Variants in CABIN1 observed in about 807,000 individuals in gnomAD.
CABIN1 encodes the protein calcineurin-binding protein cabin-1.
CABIN1 carries 133 observed loss-of-function variants against 227.7 expected under a neutral mutation model. The ratio of observed to expected loss-of-function variants is 0.58; its 90% CI spans 0.51 to 0.67. CABIN1 has a LOEUF of 0.67. Ranked by LOEUF, CABIN1 falls within the 30% of genes least tolerant of loss-of-function variation. CABIN1 has a pLI of 0.00. For synonymous variants in CABIN1, 1,086 were observed against 1,155.1 expected, an observed-to-expected ratio of 0.94 and a Z score of 1.21; for missense variants, 2,408 against 2,852.5, an observed-to-expected ratio of 0.84 and a Z score of 3.55.
In CABIN1 at chr22:24,063,164, C is replaced by T. The variant is rs1167125075; in HGVS notation, c.1884+18C>T. 6.2e-7 allele frequency: 1 copy of T among 1,613,438 alleles called. No homozygotes were observed. Among genetic ancestry groups the T allele is most frequent in the East Asian group, 2.2e-5 (1 of 44,854 alleles). On this transcript the variant is annotated intron_variant, in intron 14 of 36. Transcript: ENST00000263119. ...CGCTGCAGGTTAGTTCCATGGTCAG[C>T]TGCTTGGGGAGCATGCCCTGACACC...
chr22:24,117,196 A>ATTG (rs895591457), intron 27 of CABIN1, among the ~76,000 whole-genome samples: 8 of 151,824 alleles, frequency 5.3e-5, no homozygotes, highest in East Asian at 1.9e-4. Context: ...TAGGCAACTG[A>ATTG]TTGTTGTTGT....
At chr22:24,050,075 G>T (rs561828624) in intron 7 of CABIN1, among the ~76,000 whole-genome samples, 2 of 152,094 alleles carry the variant, frequency 1.3e-5, no homozygotes, top group Non-Finnish European at 2.9e-5. Flanking sequence ...AACTCCTTTT[G>T]CCCTCTGGTC....
intron 8 of CABIN1, among the ~76,000 whole-genome samples, 177 bp downstream of exon 8, chr22:24,051,151 G>A (rs2147306603): frequency 6.6e-6 from 1 of 152,306 alleles, no homozygotes; most frequent in South Asian, 2.1e-4. Context: ...TTACTAAGAA[G>A]CAGGTCAGCT....
At chr22:24,169,863 G>A (rs1602481505) in intron 33 of CABIN1, among the ~76,000 whole-genome samples, 1 of 152,264 alleles carries the variant, frequency 6.6e-6, no homozygotes, top group East Asian at 1.9e-4. Context: ...GCAGGAGCCA[G>A]GGCTGGGCCA....
Position 24,056,233 on chromosome 22 carries a change from C to T in CABIN1, c.1135C>T (p.Arg379Trp), listed in dbSNP as rs764035422. 16 of 1,613,742 alleles carry T rather than the reference C, an allele frequency of 9.9e-6. No homozygotes were observed. Among genetic ancestry groups the T allele is most frequent in the East Asian group, 4.5e-5 (2 of 44,892 alleles). Residue 379 changes from arginine (R) to tryptophan (W), a missense_variant, in exon 10 of 37, where the codon CGG becomes TGG. Arg to Trp is a moderately radical substitution (Grantham distance 101, BLOSUM62 -3). Transcript: ENST00000263119. ...AGATAAATCCAAGAAAGGGGTAAAA[C>T]GGAAGAAGATTTCAGAAGAGAGTGG... ...GGDKSKKGVK[R>W]KKISEESGET...
At chr22:24,129,234 C>G (rs926746017) in intron 28 of CABIN1, among the ~76,000 whole-genome samples, 1 of 152,218 alleles carries the variant, frequency 6.6e-6, no homozygotes, top group Non-Finnish European at 1.5e-5. Flanking sequence ...CAAGCCACCT[C>G]ACCCCAAGCT....
intron 10 of CABIN1, among the ~76,000 whole-genome samples, chr22:24,058,776 T>G (rs2038982611): frequency 6.6e-6 from 1 of 152,226 alleles, no homozygotes; most frequent in Admixed American, 6.5e-5. Context: ...CATTATCCCC[T>G]CTCAAAGGCT....
At chr22:24,033,633 T>C (rs1263287665) in intron 1 of CABIN1, among the ~76,000 whole-genome samples, 2 of 152,144 alleles carry the variant, frequency 1.3e-5, no homozygotes, top group African/African-American at 4.8e-5. Context: ...CATATCCCCA[T>C]CCCAGTTCCT....
At chr22:24,149,705 G>A (rs566350814) in intron 29 of CABIN1, among the ~76,000 whole-genome samples, 59 of 152,350 alleles carry the variant, frequency 3.9e-4, no homozygotes, top group Non-Finnish European at 8.1e-4. Flanking sequence ...CATCACTGGA[G>A]AACTATAGAG....
intron 33 of CABIN1, among the ~76,000 whole-genome samples, 162 bp from the exon 34 acceptor site, chr22:24,171,551 T>C (rs188178981): frequency 1.3e-5 from 2 of 152,164 alleles, no homozygotes; most frequent in African/African-American, 4.8e-5. Context: ...TGATGGACCT[T>C]GTTGGCAGCA....
chr22:24,178,142 G>A lies in CABIN1; in HGVS notation c.6609G>A (p.Gln2203=). ...TGGAGGTCCTGGAGACATCCAGCCA[G>A]GAGTCCTCGCTGGAGAGCGAGACAG... ...PALEVLETSS[Q]ESSLESETDE... Residue 2203 remains glutamine, a synonymous_variant, in exon 37 of 37, where the codon CAG becomes CAA. Coordinates refer to ENST00000263119, the MANE Select transcript of CABIN1 (RefSeq NM_012295.4). The A allele has an allele frequency of 6.2e-7, 1 of 1,613,744 alleles. No homozygotes were observed.
At chr22:24,073,189 A>T (rs758622834) in intron 18 of CABIN1, among the ~76,000 whole-genome samples, 8 of 152,188 alleles carry the variant, frequency 5.3e-5, no homozygotes, top group Non-Finnish European at 1.0e-4. Flanking sequence ...AAACGACAGT[A>T]CTGCAGCTAA....
intron 26 of CABIN1, chr22:24,101,580 GAAC>G (rs1041850664): frequency 6.6e-6 from 1 of 152,254 alleles, no homozygotes; most frequent in African/African-American, 2.4e-5. Context: ...GCAAGAGAGA[GAAC>G]AACAGAGAGA....
In CABIN1 at chr22:24,171,742, G is replaced by A. The variant is rs2046824270; in HGVS notation, c.5787G>A (p.Lys1929=). The change falls in exon 34 of 37, where the codon AAG becomes AAA. Residue 1929 remains lysine, a synonymous_variant. Coordinates refer to ENST00000263119, the MANE Select transcript of CABIN1 (RefSeq NM_012295.4). ...CGGGGGACACCCCCACCACTCCAAA[G>A]CACCCCAAAGACAGCCGAGAGAACT... is the stretch of plus-strand genomic sequence containing the variant. ...QASGDTPTTP[K]HPKDSRENFF... is the part of the protein sequence containing the mutation. 2 of 1,614,158 alleles carry A rather than the reference G, an allele frequency of 1.2e-6. No homozygotes were observed. Among genetic ancestry groups the A allele is most frequent in the Non-Finnish European group, 8.5e-7 (1 of 1,180,034 alleles).
At chr22:24,150,234 G>A (rs906444607) in intron 29 of CABIN1, among the ~76,000 whole-genome samples, 10 of 152,276 alleles carry the variant, frequency 6.6e-5, no homozygotes, top group African/African-American at 2.4e-4. Flanking sequence ...GGTGCCCTGA[G>A]TGTACTACTG....
At chr22:24,026,806 A>G (rs1484587564) in intron 1 of CABIN1, among the ~76,000 whole-genome samples, 2 of 152,154 alleles carry the variant, frequency 1.3e-5, no homozygotes, top group Admixed American at 1.3e-4. Flanking sequence ...TAAGTTTTTA[A>G]ATTGTGTAGT....
intron 28 of CABIN1, 109 bp downstream of exon 28, chr22:24,119,807 A>G (rs1194203619): frequency 5.6e-6 from 6 of 1,063,092 alleles, no homozygotes; most frequent in Admixed American, 1.7e-5. Flanking sequence ...GTAGCAGCAC[A>G]TGGGAGGGAT....
At chr22:24,126,568 T>C (rs1041149097) in intron 28 of CABIN1, among the ~76,000 whole-genome samples, 4 of 152,032 alleles carry the variant, frequency 2.6e-5, no homozygotes, top group African/African-American at 9.7e-5. Flanking sequence ...TGCTGGAAGC[T>C]GGTGTGACTA....
chr22:24,091,766 C>T lies in CABIN1; in HGVS notation c.3709C>T (p.Leu1237=). 1.2e-6 allele frequency: 2 copies of T among 1,614,006 alleles called. No individual in the cohort carries two copies. The highest frequency in any genetic ancestry group is 2.2e-5 in the South Asian group (2 of 91,086). ...LLHYRQAGHY[L]HEEAARYPKK... Reference sequence around the variant, plus strand: ...GCACTACAGGCAGGCTGGCCACTACCTGCACGAGGAGGCTGCCCGCTACCC... The same window carrying T: ...GCACTACAGGCAGGCTGGCCACTACTTGCACGAGGAGGCTGCCCGCTACCC... The change falls in exon 24 of 37, where the codon CTG becomes TTG. Residue 1237 remains leucine (L), a synonymous_variant. Transcript: ENST00000263119.
Sources: gnomAD v4.1 joint callset for allele counts (sites outside exome capture counted in the v4.1 genomes callset) on GRCh38, gnomAD v4.1.1 for gene constraint, MANE v1.5 for transcripts, NCBI Gene and HGNC (gene_info 2026-07-23, HGNC 2026-07-21) for gene names.